PTGR1: variants seen among roughly 807,000 people sequenced by gnomAD.
PTGR1 encodes 15-oxoprostaglandin 13-reductase.
In PTGR1, 23 loss-of-function variants were observed where a neutral mutation model predicts 37.7. The ratio of observed to expected loss-of-function variants is 0.61; its 90% CI spans 0.44 to 0.86. The LOEUF (loss-of-function observed/expected upper bound fraction) is 0.86. Among genes scored for constraint, PTGR1 ranks in the 40% least tolerant of loss-of-function variants. The pLI, the probability that PTGR1 is intolerant of heterozygous loss-of-function variation, is 0.00. For synonymous variants in PTGR1, 134 were observed against 140.0 expected (o/e 0.96, Z 0.30); for missense variants, 351 against 394.3 (o/e 0.89, Z 0.93).
intron 1 of PTGR1, among the ~76,000 whole-genome samples, chr9:111,599,106 G>C (rs777851288): frequency 1.3e-5 from 2 of 152,160 alleles, no homozygotes; most frequent in Non-Finnish European, 2.9e-5. Flanking sequence ...CCTGGAAAGG[G>C]TCTGGCCGCA....
chr9:111,562,819 G>T lies in PTGR1; in HGVS notation c.*302C>A. 2.0e-6 allele frequency: 1 copy of T among 508,426 alleles called. No individual in the cohort carries two copies. The highest frequency in any genetic ancestry group is 2.8e-6 in the Non-Finnish European group (1 of 351,930). 31.5% of individuals were successfully genotyped at this position (508,426 alleles called of 1,614,324 possible). On this transcript the variant is annotated 3_prime_UTR_variant, in exon 10 of 10. Coordinates refer to ENST00000407693, the MANE Select transcript of PTGR1 (RefSeq NM_001146108.2). Reference sequence around the variant, plus strand: ...TATGTCCATGTGTTCTCATTGTTCAGCTCCCACTTATGAATGAAAACATAC... The same window carrying T: ...TATGTCCATGTGTTCTCATTGTTCATCTCCCACTTATGAATGAAAACATAC...
At chr9:111,578,572 A>C (rs967871651) in intron 7 of PTGR1, among the ~76,000 whole-genome samples, 1 of 152,132 alleles carries the variant, frequency 6.6e-6, no homozygotes, top group African/African-American at 2.4e-5. Flanking sequence ...TAATGCTGCC[A>C]CTGTTCTGAG....
chr9:111,560,910 T>C (rs1475926422), downstream of PTGR1, among the ~76,000 whole-genome samples: 2 of 137,368 alleles, frequency 1.5e-5, no homozygotes, highest in African/African-American at 5.6e-5. Context: ...ACCACTGCAC[T>C]CCAGCCTGGG....
chr9:111,567,929 C>G (rs989993778), intron 9 of PTGR1, among the ~76,000 whole-genome samples: 1 of 152,194 alleles, frequency 6.6e-6, no homozygotes, highest in African/African-American at 2.4e-5. Flanking sequence ...TTTATAATTT[C>G]TTACGCCTGT....
downstream of PTGR1, among the ~76,000 whole-genome samples, chr9:111,559,609 CAT>C (rs2132303783): frequency 2.0e-5 from 3 of 151,420 alleles, no homozygotes; most frequent in Middle Eastern, 3.4e-3. Flanking sequence ...CACACACACA[CAT>C]ATACAACATA....
chr9:111,564,758 T>C (rs774007860), intron 9 of PTGR1, among the ~76,000 whole-genome samples: 9 of 152,086 alleles, frequency 5.9e-5, no homozygotes, highest in East Asian at 1.9e-4. Context: ...CCAATCCAAA[T>C]CCATATGTTT....
intron 4 of PTGR1, chr9:111,592,712 C>T: frequency 1.8e-6 from 1 of 553,948 alleles, no homozygotes; most frequent in East Asian, 3.4e-5. Flanking sequence ...GTAAGGATGG[C>T]AAAGTGAAGC....
At chr9:111,560,773 C>A (rs1398752710), downstream of PTGR1, among the ~76,000 whole-genome samples, 21 of 148,536 alleles carry the variant, frequency 1.4e-4, no homozygotes, top group Non-Finnish European at 4.5e-5. Flanking sequence ...GAAACCCTAT[C>A]TCTACTAAAA....
downstream of PTGR1, among the ~76,000 whole-genome samples, chr9:111,561,120 GAGAGAGAGAGAGAGAGA>G (rs1828293140): frequency 7.2e-5 from 4 of 55,866 alleles, no homozygotes; most frequent in East Asian, 3.6e-4. Context: ...TAGAGAGAGA[GAGAGAGAGAGAGAGAGA>G]GGAGAGAGAG....
chr9:111,556,539 T>C (rs1240973049), intron 9 of PTGR1, among the ~76,000 whole-genome samples: 5 of 152,246 alleles, frequency 3.3e-5, no homozygotes, highest in Non-Finnish European at 7.3e-5. Context: ...CTCTGAAATC[T>C]AGGCAGAGAC....
intron 9 of PTGR1, among the ~76,000 whole-genome samples, chr9:111,550,939 T>G (rs1030675684): frequency 2.6e-5 from 4 of 152,222 alleles, no homozygotes; most frequent in Non-Finnish European, 5.9e-5. Flanking sequence ...TCTCTCACAC[T>G]GGAGGCTTTC....
At chr9:111,576,250 T>C (rs1829049179) in intron 7 of PTGR1, 2 of 994,102 alleles carry the variant, frequency 2.0e-6, no homozygotes, top group Admixed American at 2.1e-5. Flanking sequence ...GCAAGCCATA[T>C]AGAGTTGGTC....
chr9:111,581,696 T>C (rs1359908865), intron 6 of PTGR1, among the ~76,000 whole-genome samples: 3 of 152,148 alleles, frequency 2.0e-5, no homozygotes, highest in Non-Finnish European at 4.4e-5. Context: ...GGTCTTGAAC[T>C]TCTGAGCTCA....
intron 9 of PTGR1, among the ~76,000 whole-genome samples, chr9:111,567,104 C>G (rs73535452): frequency 0.067 from 10,114 of 150,946 alleles, 568 homozygotes; most frequent in African/African-American, 0.14. Flanking sequence ...CAAAAAAAGT[C>G]GGGGGGCGTG....
chr9:111,564,539 C>G (rs1388830783), intron 9 of PTGR1, among the ~76,000 whole-genome samples: 4 of 151,732 alleles, frequency 2.6e-5, no homozygotes, highest in South Asian at 2.1e-4. Flanking sequence ...GGCCTAGGCT[C>G]AAGTGATCCG....
chr9:111,560,473 CAAAA>C (rs752283590), downstream of PTGR1, among the ~76,000 whole-genome samples: 2 of 94,308 alleles, frequency 2.1e-5, no homozygotes, highest in African/African-American at 4.2e-5. Context: ...GACTCCATCT[CAAAA>C]AAAAAAAAAA....
intron 9 of PTGR1, among the ~76,000 whole-genome samples, chr9:111,550,737 A>G (rs1479682479): frequency 6.6e-6 from 1 of 152,080 alleles, no homozygotes; most frequent in Non-Finnish European, 1.5e-5. Flanking sequence ...AAATGTTGTG[A>G]ATGTTTTTAT....
At chr9:111,567,081 C>CAAAA (rs1347415361) in intron 9 of PTGR1, among the ~76,000 whole-genome samples, 1 of 108,318 alleles carries the variant, frequency 9.2e-6, no homozygotes. Context: ...GACCCTGTCT[C>CAAAA]AAAAAAAAAA....
intron 9 of PTGR1, among the ~76,000 whole-genome samples, chr9:111,566,030 C>T (rs1472031302): frequency 6.6e-6 from 1 of 151,764 alleles, no homozygotes; most frequent in Non-Finnish European, 1.5e-5. Flanking sequence ...TGGCCAACAT[C>T]GTGAAACCCC....
Sources: gnomAD v4.1 joint callset for allele counts (sites outside exome capture counted in the v4.1 genomes callset) on GRCh38, gnomAD v4.1.1 for gene constraint, MANE v1.5 for transcripts, NCBI Gene and HGNC (gene_info 2026-07-23, HGNC 2026-07-21) for gene names.